PDE1A: variants seen among roughly 807,000 people sequenced by gnomAD.
PDE1A encodes the protein dual specificity calcium/calmodulin-dependent 3',5'-cyclic nucleotide phosphodiesterase 1A.
PDE1A carries 35 observed loss-of-function variants against 61.7 expected under a neutral mutation model. The ratio of observed to expected loss-of-function variants is 0.57; its 90% CI spans 0.43 to 0.75. The LOEUF (loss-of-function observed/expected upper bound fraction) is 0.75. PDE1A is among the 30% of genes least tolerant of loss of function. The pLI is 0.00. For synonymous variants in PDE1A, 232 were observed against 213.2 expected (o/e 1.09, Z -0.77); for missense variants, 597 against 630.6 (o/e 0.95, Z 0.57).
At chr2:182,165,606 T>C (rs1691616089), downstream of PDE1A, among the ~76,000 whole-genome samples, 1 of 152,086 alleles carries the variant, frequency 6.6e-6, no homozygotes, top group Non-Finnish European at 1.5e-5. Flanking sequence ...TGACTATGAA[T>C]TGCCCAGACT....
chr2:182,276,839 C>T (rs929899258), intron 1 of PDE1A, among the ~76,000 whole-genome samples: 1 of 151,992 alleles, frequency 6.6e-6, no homozygotes, highest in Non-Finnish European at 1.5e-5. Flanking sequence ...GGTCTATAAA[C>T]AGCTGCTCTA....
chr2:182,172,502 C>T (rs1209098359), intron 13 of PDE1A, among the ~76,000 whole-genome samples: 1 of 151,984 alleles, frequency 6.6e-6, no homozygotes, highest in Non-Finnish European at 1.5e-5. Flanking sequence ...AGAAATGATG[C>T]ACACACCCAA....
At chr2:182,517,323 C>T (rs2125980692) in intron 2 of PDE1A, among the ~76,000 whole-genome samples, 1 of 152,274 alleles carries the variant, frequency 6.6e-6, no homozygotes, top group Non-Finnish European at 1.5e-5. Context: ...ATAAAGCAAA[C>T]ACCCTTCCAT....
chr2:182,254,116 T>C (rs1209181124), intron 2 of PDE1A, among the ~76,000 whole-genome samples: 1 of 152,208 alleles, frequency 6.6e-6, no homozygotes, highest in Non-Finnish European at 1.5e-5. Flanking sequence ...CATAGAGCTT[T>C]TTTGTTAGTC....
At chr2:182,239,707 AG>A (rs11349101) in intron 3 of PDE1A, among the ~76,000 whole-genome samples, 107,922 of 152,020 alleles carry the variant, frequency 0.71, 38,708 homozygotes, top group African/African-American at 0.82. Flanking sequence ...GGGCAGAGGA[AG>A]GCCTAAGTGA....
the PDE1A span, among the ~76,000 whole-genome samples, chr2:182,578,943 T>C: frequency 6.6e-6 from 1 of 152,246 alleles, no homozygotes; most frequent in Non-Finnish European, 1.5e-5. Context: ...TCTGAAGTTC[T>C]GCTCAACAAA....
At chr2:182,354,070 C>A (rs562359550) in intron 1 of PDE1A, among the ~76,000 whole-genome samples, 1 of 151,994 alleles carries the variant, frequency 6.6e-6, no homozygotes, top group African/African-American at 2.4e-5. Context: ...AAAGTATTCA[C>A]GTAAAGATGA....
At chr2:182,295,200 G>A (rs866238) in intron 1 of PDE1A, among the ~76,000 whole-genome samples, 5 of 148,066 alleles carry the variant, frequency 3.4e-5, no homozygotes, top group Non-Finnish European at 5.9e-5. Flanking sequence ...TCAGCCTCCC[G>A]AGTAGCTGGG....
At chr2:182,533,128 A>G in the PDE1A span, among the ~76,000 whole-genome samples, 2 of 152,118 alleles carry the variant, frequency 1.3e-5, no homozygotes, top group African/African-American at 4.8e-5. Context: ...CCTGGCCAAC[A>G]TGGCAAAAGC....
downstream of PDE1A, among the ~76,000 whole-genome samples, chr2:182,165,446 G>C (rs1691607905): frequency 6.6e-6 from 1 of 152,150 alleles, no homozygotes; most frequent in South Asian, 2.1e-4. Flanking sequence ...GATTCATCTA[G>C]GCTACTAAGG....
chr2:182,626,884 CACAT>C, the PDE1A span, among the ~76,000 whole-genome samples: 4 of 18,500 alleles, frequency 2.2e-4, no homozygotes, highest in Non-Finnish European at 4.5e-4. Flanking sequence ...TATATATATA[CACAT>C]ATATATATAC....
intron 10 of PDE1A, among the ~76,000 whole-genome samples, chr2:182,191,259 G>A (rs1685664827): frequency 6.6e-6 from 1 of 152,096 alleles, no homozygotes; most frequent in Non-Finnish European, 1.5e-5. Context: ...ATGGAAAGGA[G>A]GAGTCTGTTG....
At chr2:182,661,809 G>A in the PDE1A span, among the ~76,000 whole-genome samples, 107,248 of 151,974 alleles carry the variant, frequency 0.71, 38,267 homozygotes, top group Middle Eastern at 0.79. Context: ...TAATAGCAAC[G>A]AAAATGTCAG....
At chr2:182,679,350 A>ATTTTTTTTTTTTTT in the PDE1A span, among the ~76,000 whole-genome samples, 20 of 119,448 alleles carry the variant, frequency 1.7e-4, no homozygotes, top group South Asian at 2.8e-4. Context: ...TGCTCAGCTA[A>ATTTTTTTTTTTTTT]TTTTTTTTTT....
chr2:182,507,788 A>G lies in PDE1A; in HGVS notation c.101+14488T>C, dbSNP rs1253619625. Among the ~76,000 whole-genome samples, 3 of 152,204 alleles carry G rather than the reference A, an allele frequency of 2.0e-5. 1 individual carries two copies. Among genetic ancestry groups the G allele is most frequent in the Non-Finnish European group, 4.4e-5 (3 of 68,038 alleles). On this transcript the variant is annotated intron_variant, in intron 2 of 14. Transcript: ENST00000410103. ...AAGTATTGAACAGCCACACATAAAG[A>G]TGCTTGTTCATACTGCAACCAGTGG... is the stretch of plus-strand genomic sequence containing the variant.
chr2:182,351,854 G>A (rs2125106277), intron 1 of PDE1A, among the ~76,000 whole-genome samples: 1 of 152,278 alleles, frequency 6.6e-6, no homozygotes, highest in East Asian at 1.9e-4. Flanking sequence ...TGATGCTGAA[G>A]TTCTAGAGCA....
the PDE1A span, among the ~76,000 whole-genome samples, chr2:182,704,211 G>GGA: frequency 4.0e-4 from 48 of 120,208 alleles, no homozygotes; most frequent in East Asian, 0.012. Flanking sequence ...ACTCCGTCTG[G>GGA]AAAAAAAAAA....
intron 10 of PDE1A, among the ~76,000 whole-genome samples, chr2:182,198,576 A>G (rs1302195408): frequency 1.3e-5 from 2 of 151,818 alleles, no homozygotes; most frequent in Non-Finnish European, 3.0e-5. Context: ...TGCATTTTGC[A>G]TATCTATAGG....
At chr2:182,313,755 G>T (rs1696147369) in intron 1 of PDE1A, among the ~76,000 whole-genome samples, 1 of 78,320 alleles carries the variant, frequency 1.3e-5, no homozygotes, top group South Asian at 3.3e-4. Flanking sequence ...TTGCATATAG[G>T]ATGAAACATT....
Sources: gnomAD v4.1 joint callset for allele counts (sites outside exome capture counted in the v4.1 genomes callset) on GRCh38, gnomAD v4.1.1 for gene constraint, MANE v1.5 for transcripts, NCBI Gene and HGNC (gene_info 2026-07-23, HGNC 2026-07-21) for gene names.